PLD5: variants seen among roughly 807,000 people sequenced by gnomAD.
PLD5 encodes inactive phospholipase D5.
A neutral mutation model predicts 61.1 loss-of-function variants in PLD5; 36 were observed. That is an observed-to-expected ratio of 0.59 (90% confidence interval 0.45 to 0.78). PLD5 has a LOEUF of 0.78. Ranked by LOEUF, PLD5 falls within the 30% of genes least tolerant of loss-of-function variation. PLD5 has a pLI of 0.00. For synonymous variants in PLD5, 243 were observed against 242.8 expected, an observed-to-expected ratio of 1.00 and a Z score of -0.01; for missense variants, 515 against 644.4, an observed-to-expected ratio of 0.80 and a Z score of 2.17.
chr1:242,509,771 C>T (rs138474901), intron 1 of PLD5, among the ~76,000 whole-genome samples: 3 of 152,236 alleles, frequency 2.0e-5, no homozygotes, highest in East Asian at 1.9e-4. Flanking sequence ...GCCACCAATA[C>T]GCCAACACTC....
At chr1:242,294,719 A>T (rs185086204) in intron 2 of PLD5, among the ~76,000 whole-genome samples, 539 of 152,352 alleles carry the variant, frequency 3.5e-3, no homozygotes, top group Non-Finnish European at 5.6e-3. Context: ...AATCTCAGTG[A>T]CACGCTGTGC....
At chr1:242,191,957 C>A (rs971367340) in intron 5 of PLD5, among the ~76,000 whole-genome samples, 1 of 152,226 alleles carries the variant, frequency 6.6e-6, no homozygotes, top group African/African-American at 2.4e-5. Context: ...AGCACCTTCC[C>A]AGAAACAACT....
chr1:242,484,931 G>C (rs1667906503), intron 1 of PLD5, among the ~76,000 whole-genome samples: 1 of 152,140 alleles, frequency 6.6e-6, no homozygotes, highest in African/African-American at 2.4e-5. Flanking sequence ...ATGTAATCCA[G>C]CATATAAACA....
At chr1:242,254,642 C>T (rs1672916059) in intron 4 of PLD5, among the ~76,000 whole-genome samples, 1 of 152,046 alleles carries the variant, frequency 6.6e-6, no homozygotes, top group East Asian at 1.9e-4. Context: ...TGCCCTCCAG[C>T]CTGGGCAACA....
chr1:242,312,294 A>T (rs927238610), intron 2 of PLD5, among the ~76,000 whole-genome samples: 6 of 151,974 alleles, frequency 3.9e-5, no homozygotes, highest in Admixed American at 1.3e-4. Flanking sequence ...ATTTGAAAAA[A>T]ATAGCCACCT....
chr1:242,337,290 C>CCATGAGGCAGTAGATTGTATTTTAAAG (rs1553353312), intron 2 of PLD5, among the ~76,000 whole-genome samples: 1 of 152,052 alleles, frequency 6.6e-6, no homozygotes, highest in South Asian at 2.1e-4. Flanking sequence ...TTAAAGATGA[C>CCATGAGGCAGTAGATTGTATTTTAAAG]ATTTCTCACA....
intron 1 of PLD5, among the ~76,000 whole-genome samples, chr1:242,511,495 T>A (rs1668906865): frequency 6.6e-6 from 1 of 152,014 alleles, no homozygotes; most frequent in Non-Finnish European, 1.5e-5. Flanking sequence ...TCATGTCATG[T>A]AAATAGCATG....
intron 5 of PLD5, among the ~76,000 whole-genome samples, chr1:242,180,799 A>G (rs1667468966): frequency 6.6e-6 from 1 of 152,120 alleles, no homozygotes; most frequent in East Asian, 1.9e-4. Context: ...TGGGCAACAT[A>G]GGGAGACCCT....
chr1:242,489,207 G>C (rs1396343710), intron 1 of PLD5, among the ~76,000 whole-genome samples: 1 of 152,116 alleles, frequency 6.6e-6, no homozygotes, highest in African/African-American at 2.4e-5. Flanking sequence ...AGCTGGGAAA[G>C]GGTTTTTTTC....
intron 3 of PLD5, among the ~76,000 whole-genome samples, chr1:242,286,069 A>G (rs1402339516): frequency 6.6e-6 from 1 of 152,224 alleles, no homozygotes; most frequent in African/African-American, 2.4e-5. Flanking sequence ...AGGTCGCACC[A>G]CTACACTCCA....
chr1:242,496,237 A>G (rs1668365217), intron 1 of PLD5, among the ~76,000 whole-genome samples: 1 of 152,218 alleles, frequency 6.6e-6, no homozygotes, highest in Non-Finnish European at 1.5e-5. Flanking sequence ...AAGGGAGATA[A>G]AGCCAAGAAG....
At chr1:242,160,742 G>A (rs577792461) in intron 5 of PLD5, among the ~76,000 whole-genome samples, 84 of 151,728 alleles carry the variant, frequency 5.5e-4, no homozygotes, top group Admixed American at 1.1e-3. Flanking sequence ...AAAACTAGCC[G>A]GGTGTGGTTG....
At position 242,395,037 on chromosome 1, in the gene PLD5, G is replaced by GAATATATATGAATA. The variant is rs1354501458; in HGVS notation, c.190-46796_190-46795insTATTCATATATATT. 1.5e-3 allele frequency among the ~76,000 whole-genome samples: 72 copies of GAATATATATGAATA among 47,812 alleles called. 4 individuals carry two copies. Among genetic ancestry groups the GAATATATATGAATA allele is most frequent in the South Asian group, 2.8e-3 (4 of 1,408 alleles). The allele number at this position is 47,812 out of a possible 152,430, so 31.4% of individuals were successfully genotyped here. On this transcript the variant is annotated intron_variant, in intron 1 of 9. Coordinates refer to ENST00000536534, the MANE Select transcript of PLD5 (RefSeq NM_001372062.1). ...TATGAATATATATGTATATATGAAT[G>GAATATATATGAATA]TATATGTATATATGAATATATATGT...
intron 6 of PLD5, among the ~76,000 whole-genome samples, chr1:242,116,622 A>C (rs1661967183): frequency 6.6e-6 from 1 of 152,056 alleles, no homozygotes; most frequent in East Asian, 1.9e-4. Flanking sequence ...TATGTCCATG[A>C]GTAACCAATG....
chr1:242,391,144 G>A (rs1228512782), intron 1 of PLD5, among the ~76,000 whole-genome samples: 3 of 152,140 alleles, frequency 2.0e-5, no homozygotes, highest in South Asian at 2.1e-4. Context: ...GCAGTGAGCC[G>A]AGATTGCACC....
intron 5 of PLD5, among the ~76,000 whole-genome samples, chr1:242,173,144 T>C (rs1017997611): frequency 6.6e-6 from 1 of 152,112 alleles, no homozygotes; most frequent in African/African-American, 2.4e-5. Flanking sequence ...TGATTGTATA[T>C]CTAGAAAACC....
intron 5 of PLD5, among the ~76,000 whole-genome samples, chr1:242,207,932 TTATATA>T (rs1553325000): frequency 0.014 from 417 of 30,748 alleles, 134 homozygotes; most frequent in African/African-American, 0.074. Context: ...TTATATATAT[TTATATA>T]TTTATATATA....
In PLD5 at chr1:242,523,968, G is replaced by C. The variant is rs953423663; in HGVS notation, c.189+120C>G. ...GCCCCCGAATCCGACCTAGGACGTC[G>C]GCGCCTGCCAGGATCCCCTCGCCTG... On this transcript the variant is annotated intron_variant, in intron 1 of 9. Coordinates refer to ENST00000536534, the MANE Select transcript of PLD5 (RefSeq NM_001372062.1). 3 of 1,128,026 alleles carry C rather than the reference G, an allele frequency of 2.7e-6. No individual in the cohort carries two copies. The African/African-American group carries it at 4.9e-5, about 19-fold the overall frequency. The allele number at this position is 1,128,026 out of a possible 1,614,324, so 69.9% of individuals were successfully genotyped here.
At chr1:242,336,021 G>T (rs1659481310) in intron 2 of PLD5, among the ~76,000 whole-genome samples, 1 of 152,136 alleles carries the variant, frequency 6.6e-6, no homozygotes, top group African/African-American at 2.4e-5. Context: ...TCCTATGTAT[G>T]CAGAGGACAC....
Sources: allele counts gnomAD v4.1 joint callset (sites outside exome capture counted in the v4.1 genomes callset), GRCh38; gene constraint gnomAD v4.1.1; transcripts MANE v1.5; gene names NCBI Gene and HGNC (gene_info 2026-07-23, HGNC 2026-07-21).